Variants in KIF24 observed in about 807,000 individuals in gnomAD.
KIF24 encodes kinesin family member 24, also known as kinesin-like protein KIF24.
In KIF24, 81 loss-of-function variants were observed where a neutral mutation model predicts 118.9. That is an observed-to-expected ratio of 0.68 (90% confidence interval 0.57 to 0.82). The LOEUF (loss-of-function observed/expected upper bound fraction) is 0.82. KIF24 is among the 40% of genes least tolerant of loss of function. The pLI is 0.00. For missense variants in KIF24, 1,560 were observed against 1,661.6 expected (o/e 0.94, Z 1.06); for synonymous variants, 599 against 610.0 (o/e 0.98, Z 0.27).
At chr9:34,291,215 C>A (rs905864516) in intron 4 of KIF24, among the ~76,000 whole-genome samples, 2 of 152,046 alleles carry the variant, frequency 1.3e-5, no homozygotes, top group African/African-American at 4.8e-5. Flanking sequence ...GAAGGACTCA[C>A]AAGAGTAGGA....
chr9:34,254,329 C>T lies in KIF24; in HGVS notation c.*51G>A. The T allele has an allele frequency of 6.5e-7, 1 of 1,540,658 alleles. No individual in the cohort carries two copies. The highest frequency in any genetic ancestry group is 1.2e-5 in the South Asian group (1 of 80,886). ...GGCAGAGGCTCCTCCAGCCTGAGAG[C>T]CCAGCACAGACTCCTGCAGGGCCCC... On this transcript the variant is annotated 3_prime_UTR_variant, in exon 13 of 13. Transcript: ENST00000402558.
intron 3 of KIF24, among the ~76,000 whole-genome samples, chr9:34,302,896 C>T (rs554157906): frequency 6.6e-6 from 1 of 152,032 alleles, no homozygotes; most frequent in South Asian, 2.1e-4. Context: ...CTGCCTCAGC[C>T]TCCCAAGTAG....
chr9:34,252,799 G>A lies in KIF24; in HGVS notation c.*1581C>T, dbSNP rs1318518380. On this transcript the variant is annotated 3_prime_UTR_variant, in exon 13 of 13. Coordinates refer to ENST00000402558, the MANE Select transcript of KIF24 (RefSeq NM_194313.4). Reference sequence around the variant, plus strand: ...GGAGTTGGGATAGGCTGGGCCTTCAGGGGGATCACCCAGTAAAAGAGGAAG... The same window carrying A: ...GGAGTTGGGATAGGCTGGGCCTTCAAGGGGATCACCCAGTAAAAGAGGAAG... The A allele has an allele frequency of 6.6e-6, 1 of 152,164 alleles. No individual in the cohort carries two copies. The highest frequency in any genetic ancestry group is 1.9e-4 in the East Asian group (1 of 5,188). The allele number at this position is 152,164 out of a possible 1,614,324, so 9.4% of individuals were successfully genotyped here. A position where few individuals can be genotyped will look rare whatever the true frequency, so the allele number is the denominator to read the frequency against.
chr9:34,316,917 C>T (rs1170111330), intron 1 of KIF24, among the ~76,000 whole-genome samples: 1 of 150,456 alleles, frequency 6.6e-6, no homozygotes, highest in Admixed American at 6.6e-5. Context: ...ATTAAAAATA[C>T]AAAAATTGGC....
chr9:34,257,583 A>C lies in KIF24; in HGVS notation c.2024T>G (p.Met675Arg). ...CCACCCAAGGACAGTTTTGTTGCCC[A>C]TTCGATTTTTCTCAGAGCACAATGG... The part of the protein sequence containing the change: ...SAPLCSEKNR[M>R]GNKTVLGWES... Residue 675 changes from methionine to arginine, a missense_variant, in exon 11 of 13, where the codon ATG becomes AGG. Met to Arg is a moderately conservative substitution (Grantham distance 91). This residue lies in a region of KIF24 where 964 missense variants were observed against 988.0 expected (regional missense o/e 0.98). Coordinates refer to ENST00000402558, the MANE Select transcript of KIF24 (RefSeq NM_194313.4). 6 of 1,614,082 alleles carry C rather than the reference A, an allele frequency of 3.7e-6. No homozygotes were observed. Among genetic ancestry groups the C allele is most frequent in the Admixed American group, 1.7e-5 (1 of 60,032 alleles).
At chr9:34,259,499 G>GCA (rs368987018) in intron 10 of KIF24, 97 bp downstream of exon 10, 19 of 847,774 alleles carry the variant, frequency 2.2e-5, no homozygotes, top group South Asian at 3.0e-5. Flanking sequence ...GCATGCACTT[G>GCA]CACACACACA....
rs1256330455 is a variant in KIF24, at chr9:34,311,330, T to C, written c.17A>G (p.Tyr6Cys). MASWL[Y>C]ECLCEAELAQ... ...AAGTTCAGCTTCACAAAGACATTCATATAACCAGGATGCCATTTTGGTGAA... is the reference window on the plus strand; with the variant it reads ...AAGTTCAGCTTCACAAAGACATTCACATAACCAGGATGCCATTTTGGTGAA... The change falls in exon 2 of 13, where the codon TAT becomes TGT. Residue 6 changes from tyrosine (Y) to cysteine (C), a missense_variant. Tyr to Cys is a radical substitution (Grantham distance 194, BLOSUM62 -2). Around this residue, in one of 3 missense-constraint regions of KIF24, gnomAD observed 964 missense variants for 988.0 expected, o/e 0.98. Transcript: ENST00000402558. 1.3e-6 allele frequency: 2 copies of C among 1,572,660 alleles called. No homozygotes were observed. Among genetic ancestry groups the C allele is most frequent in the Non-Finnish European group, 1.7e-6 (2 of 1,159,608 alleles).
intron 8 of KIF24, among the ~76,000 whole-genome samples, chr9:34,266,002 C>T (rs753620691): frequency 5.3e-5 from 8 of 152,082 alleles, no homozygotes; most frequent in Non-Finnish European, 1.2e-4. Context: ...AAGCAATCCT[C>T]CCACCTCAGC....
chr9:34,310,626 T>C (rs1051744425), intron 2 of KIF24, 98 bp downstream of exon 2: 12 of 763,028 alleles, frequency 1.6e-5, no homozygotes, highest in Non-Finnish European at 2.1e-5. Context: ...TCATTTACTA[T>C]AAATAAGGAG....
In KIF24 at chr9:34,318,740, G is replaced by A. The variant is rs968786221; in HGVS notation, c.-25-7369C>T. 85 of 1,507,476 alleles carry A rather than the reference G, an allele frequency of 5.6e-5. 3 individuals carry two copies. The South Asian group carries it at 8.6e-4, about 15-fold the overall frequency. The allele number at this position is 1,507,476 out of a possible 1,614,324, so 93.4% of individuals were successfully genotyped here. A position where few individuals can be genotyped will look rare whatever the true frequency, so the allele number is the denominator to read the frequency against. On this transcript the variant is annotated intron_variant, in intron 1 of 12. Coordinates refer to ENST00000402558, the MANE Select transcript of KIF24 (RefSeq NM_194313.4). The surrounding 1 kb of genome is among the most constrained non-coding windows in gnomAD (Gnocchi z 4.9). ...CGAGGAGGTGCACGCCGGCGTGGGC[G>A]AGCCGCTGCGTTCACTCAGCAACTC...
Position 34,257,406 on chromosome 9 carries a change from C to T in KIF24, c.2201G>A (p.Ser734Asn). ...FGNAHHRAEY[S>N]QDSQRGTPAR... is the part of the protein sequence containing the mutation. ...AGGCGTGCCCCTCTGGCTGTCTTGA[C>T]TGTACTCAGCCCTGTGGTGGGCGTT... Residue 734 changes from serine (S) to asparagine (N), a missense_variant, in exon 11 of 13, where the codon AGT becomes AAT. Physicochemically the swap from Ser to Asn is conservative, Grantham distance 46 (BLOSUM62 1). Around this residue, in one of 3 missense-constraint regions of KIF24, gnomAD observed 964 missense variants for 988.0 expected, o/e 0.98. Transcript: ENST00000402558. 1 of 1,614,080 alleles carries T rather than the reference C, an allele frequency of 6.2e-7. No individual in the cohort carries two copies. The highest frequency in any genetic ancestry group is 1.7e-5 in the Admixed American group (1 of 60,030).
chr9:34,255,507 G>A (rs1451349745), intron 11 of KIF24, among the ~76,000 whole-genome samples: 1 of 152,204 alleles, frequency 6.6e-6, no homozygotes, highest in Admixed American at 6.5e-5. Flanking sequence ...TCTCAAGGCT[G>A]TGACTGCAAC....
intron 6 of KIF24, among the ~76,000 whole-genome samples, chr9:34,281,716 C>T (rs1835856422): frequency 6.6e-6 from 1 of 152,208 alleles, no homozygotes; most frequent in African/African-American, 2.4e-5. Context: ...CCAAACCTGA[C>T]TGCTTTCCCT....
In KIF24 at chr9:34,286,704, C is replaced by G. The variant is rs1836065089; in HGVS notation, c.1128G>C (p.Arg376Ser). The G allele has an allele frequency of 2.5e-6, 4 of 1,608,380 alleles. No homozygotes were observed. Among genetic ancestry groups the G allele is most frequent in the African/African-American group, 1.3e-5 (1 of 74,946 alleles). ...QLYDLLNRRKRLFAREDSKHM... is the reference protein window; with the variant it reads ...QLYDLLNRRKSLFAREDSKHM... ...GCTTGCTATCTTCTCTTGCAAAGAG[C>G]CTGCAGATGCAAGAAAGTGGTTGGT... Residue 376 changes from arginine to serine, a missense_variant and splice_region_variant, in exon 6 of 13, where the codon AGG becomes AGC. Around this residue, in one of 3 missense-constraint regions of KIF24, gnomAD observed 964 missense variants for 988.0 expected, o/e 0.98. Transcript: ENST00000402558.
chr9:34,325,111 A>G (rs1434123933), intron 1 of KIF24, among the ~76,000 whole-genome samples: 1 of 151,036 alleles, frequency 6.6e-6, no homozygotes, highest in African/African-American at 2.4e-5. Flanking sequence ...GCTGAGGCAG[A>G]AAGATCACTT....
intron 6 of KIF24, among the ~76,000 whole-genome samples, chr9:34,278,145 A>T (rs1488375238): frequency 1.3e-5 from 2 of 152,104 alleles, no homozygotes; most frequent in Non-Finnish European, 1.5e-5. Context: ...ACGGTGGCTC[A>T]CGTCTGTAAT....
intron 1 of KIF24, among the ~76,000 whole-genome samples, chr9:34,327,849 T>A (rs67806641): frequency 0.32 from 38,762 of 119,848 alleles, 5,393 homozygotes; most frequent in Middle Eastern, 0.42. Flanking sequence ...AAAAAAAAAA[T>A]AATAATAATA....
chr9:34,263,008 C>G (rs1028008120), intron 9 of KIF24, 93 bp downstream of exon 9: 2 of 920,106 alleles, frequency 2.2e-6, no homozygotes, highest in Non-Finnish European at 3.5e-6. Context: ...TCATGTCTTA[C>G]TGACAGTGGA....
At chr9:34,332,124 T>C (rs562947188), upstream of KIF24, among the ~76,000 whole-genome samples, 20 of 152,336 alleles carry the variant, frequency 1.3e-4, no homozygotes, top group African/African-American at 3.4e-4. Flanking sequence ...CTTTGTAAAA[T>C]GTCAGTCTGA....
Sources: gnomAD v4.1 joint callset for allele counts (sites outside exome capture counted in the v4.1 genomes callset) on GRCh38, gnomAD v4.1.1 for gene constraint, gnomAD v4.1.1 regional missense constraint, Gnocchi (gnomAD v3.1) non-coding constraint, MANE v1.5 for transcripts, NCBI Gene and HGNC (gene_info 2026-07-23, HGNC 2026-07-21) for gene names.